The following KSR2 variants were observed in gnomAD, a reference collection of about 807,000 sequenced individuals.
KSR2 encodes kinase suppressor of ras 2.
In KSR2, 25 loss-of-function variants were observed where a neutral mutation model predicts 107.8. That is an observed-to-expected ratio of 0.23 (90% CI 0.17 to 0.32). The LOEUF is 0.32. KSR2 is among the 10% of genes least tolerant of loss of function. KSR2 has a pLI of 1.00. For missense variants in KSR2, 887 were observed against 1,268.9 expected (o/e 0.70, Z 4.57); for synonymous variants, 480 against 507.0 (o/e 0.95, Z 0.71).
intron 1 of KSR2, among the ~76,000 whole-genome samples, chr12:117,926,695 G>C (rs910680032): frequency 1.3e-5 from 2 of 152,194 alleles, no homozygotes; most frequent in African/African-American, 4.8e-5. Flanking sequence ...TGGCAGAGAC[G>C]GCCCAATGAC....
intron 5 of KSR2, among the ~76,000 whole-genome samples, chr12:117,615,693 T>A (rs540192721): frequency 1.3e-5 from 2 of 152,146 alleles, no homozygotes; most frequent in Non-Finnish European, 2.9e-5. Context: ...CCTTTCGGCC[T>A]CGGTCAAGCC....
At chr12:117,658,038 G>GGAAGTGATAATAATGAGCGTGTGTCCA (rs1884260656) in intron 5 of KSR2, among the ~76,000 whole-genome samples, 1 of 152,256 alleles carries the variant, frequency 6.6e-6, no homozygotes, top group African/African-American at 2.4e-5. Flanking sequence ...TAATTCAGAT[G>GGAAGTGATAATAATGAGCGTGTGTCCA]GAAGTGATAA....
chr12:117,581,142 C>T (rs1879639757), intron 6 of KSR2, among the ~76,000 whole-genome samples: 1 of 152,216 alleles, frequency 6.6e-6, no homozygotes, highest in Non-Finnish European at 1.5e-5. Flanking sequence ...ACTATCCTGT[C>T]AACATACTTC....
chr12:117,516,236 A>T (rs1874369926), intron 14 of KSR2, among the ~76,000 whole-genome samples: 1 of 152,174 alleles, frequency 6.6e-6, no homozygotes, highest in Non-Finnish European at 1.5e-5. Context: ...ATACATGGTT[A>T]TTTCTAGTCC....
chr12:117,657,740 G>T (rs576550356), intron 5 of KSR2, among the ~76,000 whole-genome samples: 1 of 152,294 alleles, frequency 6.6e-6, no homozygotes, highest in South Asian at 2.1e-4. Flanking sequence ...AGTAGCTAAA[G>T]GTTCACAGTG....
chr12:117,555,332 C>A, intron 8 of KSR2, 39 bp from the exon 9 acceptor site: 1 of 1,610,938 alleles, frequency 6.2e-7, no homozygotes, highest in Non-Finnish European at 8.5e-7. Context: ...GTTTAAGTAT[C>A]ACTTTGTCTT....
intron 1 of KSR2, among the ~76,000 whole-genome samples, chr12:117,936,678 C>A (rs1593384424): frequency 1.3e-5 from 2 of 152,056 alleles, no homozygotes; most frequent in Non-Finnish European, 2.9e-5. Flanking sequence ...AGCCGCTGTG[C>A]CTGGCCAGCT....
chr12:117,575,022 T>C (rs1879188083), intron 7 of KSR2, among the ~76,000 whole-genome samples: 1 of 152,152 alleles, frequency 6.6e-6, no homozygotes, highest in Non-Finnish European at 1.5e-5. Flanking sequence ...CACTCAGGTA[T>C]GAGACCATCC....
chr12:117,844,431 A>G (rs1391815028), intron 3 of KSR2, among the ~76,000 whole-genome samples: 2 of 151,776 alleles, frequency 1.3e-5, no homozygotes, highest in Non-Finnish European at 2.9e-5. Context: ...GATAACAGAT[A>G]AGAAAAAAAA....
intron 1 of KSR2, among the ~76,000 whole-genome samples, chr12:117,927,185 G>C (rs1219022465): frequency 6.6e-6 from 1 of 151,982 alleles, no homozygotes; most frequent in African/African-American, 2.4e-5. Context: ...CAACCATCCT[G>C]GACAACATGG....
intron 17 of KSR2, 59 bp from the exon 18 acceptor site, chr12:117,471,379 C>A (rs944445999): frequency 5.8e-5 from 91 of 1,567,304 alleles, no homozygotes; most frequent in Non-Finnish European, 7.1e-5. Context: ...AACCTTGTAC[C>A]TCCATTATTA....
intron 4 of KSR2, among the ~76,000 whole-genome samples, chr12:117,731,799 T>G (rs575987264): frequency 2.4e-4 from 37 of 151,036 alleles, no homozygotes; most frequent in Admixed American, 1.8e-3. Flanking sequence ...TTAAGGGCGG[T>G]GCAAGATGTG....
At chr12:117,762,657 G>A (rs979783692) in intron 3 of KSR2, among the ~76,000 whole-genome samples, 1 of 152,140 alleles carries the variant, frequency 6.6e-6, no homozygotes, top group Non-Finnish European at 1.5e-5. Context: ...TTGAGGTCAC[G>A]AGTTTGAGAC....
intron 3 of KSR2, among the ~76,000 whole-genome samples, chr12:117,772,966 C>A (rs901527497): frequency 1.4e-4 from 22 of 152,348 alleles, no homozygotes; most frequent in African/African-American, 5.1e-4. Flanking sequence ...CACCCCTACA[C>A]TTCAAAACTA....
intron 3 of KSR2, among the ~76,000 whole-genome samples, chr12:117,817,661 C>G (rs114333890): frequency 0.01 from 1,593 of 152,296 alleles, 28 homozygotes; most frequent in African/African-American, 0.037. Context: ...GCCCCAATCC[C>G]TGTCCCCATA....
At chr12:117,701,535 G>GA (rs898393265) in intron 4 of KSR2, among the ~76,000 whole-genome samples, 8 of 151,596 alleles carry the variant, frequency 5.3e-5, no homozygotes, top group Admixed American at 2.6e-4. Flanking sequence ...CTCCAAAAAA[G>GA]AAAAAAAAGG....
rs75422226 is a variant in KSR2 at position 117,935,330 on chromosome 12, A to G, written c.180+32746T>C. Among the ~76,000 whole-genome samples, 825 of 152,152 alleles carry G rather than the reference A, an allele frequency of 5.4e-3. 6 individuals carry two copies. The highest frequency in any genetic ancestry group is 0.018 in the African/African-American group (765 of 41,518). On this transcript the variant is annotated intron_variant, in intron 1 of 19. Coordinates refer to ENST00000339824, the MANE Select transcript of KSR2 (RefSeq NM_173598.6). The stretch of plus-strand genomic sequence containing the variant: ...TCTTCTGACTCATCCACCTGCTTCT[A>G]TTCAGGCCCCTAGAGTCTGTTCTCA...
rs570263559 is a variant in KSR2 at position 117,785,797 on chromosome 12, C to A, written c.473-24273G>T. Among the ~76,000 whole-genome samples, 45 of 151,966 alleles carry A rather than the reference C, an allele frequency of 3.0e-4. No individual in the cohort carries two copies. In the South Asian group the frequency reaches 9.2e-3, roughly 31 times the overall value. ...AAGATTGATTTCTTTAAAAAAGCCC[C>A]AAGGAGCAATTAGAGAATATCAAAA... On this transcript the variant is annotated intron_variant, in intron 3 of 19. Coordinates refer to ENST00000339824, the MANE Select transcript of KSR2 (RefSeq NM_173598.6).
At chr12:117,584,242 C>T (rs757156908) in intron 5 of KSR2, among the ~76,000 whole-genome samples, 26 of 152,014 alleles carry the variant, frequency 1.7e-4, no homozygotes, top group Non-Finnish European at 2.8e-4. Context: ...CTACTTGTTT[C>T]GATTTCTGAG....
Sources: gnomAD v4.1 joint callset for allele counts (sites outside exome capture counted in the v4.1 genomes callset) on GRCh38, gnomAD v4.1.1 for gene constraint, MANE v1.5 for transcripts, NCBI Gene and HGNC (gene_info 2026-07-23, HGNC 2026-07-21) for gene names.